The following MICU1 variants were observed in gnomAD, a reference collection of about 807,000 sequenced individuals.
MICU1 encodes the protein mitochondrial calcium uptake 1.
Under a neutral mutation model 56.8 loss-of-function variants are expected in MICU1, and 45 were observed. The observed-to-expected ratio is 0.79, with a 90% confidence interval of 0.62 to 1.02. MICU1 has a LOEUF of 1.02. Among genes scored for constraint, MICU1 ranks in the 50% least tolerant of loss-of-function variants. The pLI is 0.00. For synonymous variants in MICU1, 186 were observed against 195.1 expected, an observed-to-expected ratio of 0.95 and a Z score of 0.39; for missense variants, 504 against 587.1, an observed-to-expected ratio of 0.86 and a Z score of 1.46.
At chr10:72,417,594 C>T (rs967428067) in intron 9 of MICU1, among the ~76,000 whole-genome samples, 1 of 152,084 alleles carries the variant, frequency 6.6e-6, no homozygotes, top group Non-Finnish European at 1.5e-5. Flanking sequence ...TAAGAAGTTA[C>T]TAGTTAGTAG....
At chr10:72,375,183 C>A (rs1465852641) in intron 11 of MICU1, among the ~76,000 whole-genome samples, 1 of 152,126 alleles carries the variant, frequency 6.6e-6, no homozygotes, top group Non-Finnish European at 1.5e-5. Context: ...ATTAAATGAG[C>A]AGATTAACTT....
intron 1 of MICU1, among the ~76,000 whole-genome samples, chr10:72,600,852 G>A (rs1841512762): frequency 6.6e-6 from 1 of 152,166 alleles, no homozygotes; most frequent in South Asian, 2.1e-4. Context: ...GGCATCCACT[G>A]AGGGTCTTAG....
chr10:72,378,729 C>G (rs1353806561), intron 10 of MICU1, among the ~76,000 whole-genome samples: 1 of 152,150 alleles, frequency 6.6e-6, no homozygotes, highest in Non-Finnish European at 1.5e-5. Context: ...AGTAACGGGA[C>G]CTGGGCTCCA....
At chr10:72,421,002 CAAA>C (rs34221911) in intron 9 of MICU1, among the ~76,000 whole-genome samples, 1 of 108,660 alleles carries the variant, frequency 9.2e-6, no homozygotes, top group East Asian at 3.4e-4. Flanking sequence ...AACTCCGTCT[CAAA>C]AAAAAAAAAA....
chr10:72,579,123 C>T (rs893830060), intron 1 of MICU1, among the ~76,000 whole-genome samples: 4 of 152,150 alleles, frequency 2.6e-5, no homozygotes, highest in Admixed American at 6.5e-5. Context: ...GTTTAGTAAA[C>T]ATCTTTCCTG....
intron 8 of MICU1, among the ~76,000 whole-genome samples, chr10:72,442,223 A>C (rs180840649): frequency 4.0e-5 from 6 of 151,702 alleles, no homozygotes; most frequent in Non-Finnish European, 7.4e-5. Flanking sequence ...GCTCACTGCA[A>C]CCTCCTCCTC....
chr10:72,388,626 A>G (rs1008074236), intron 10 of MICU1, among the ~76,000 whole-genome samples: 4 of 152,220 alleles, frequency 2.6e-5, no homozygotes, highest in African/African-American at 9.6e-5. Flanking sequence ...CACTATCTCT[A>G]AAACATCATA....
intron 8 of MICU1, chr10:72,473,407 A>T (rs1866007555): frequency 6.6e-6 from 1 of 152,234 alleles, no homozygotes; most frequent in African/African-American, 2.4e-5. Context: ...ATTGTTTATC[A>T]TCTACTTTAT....
chr10:72,424,353 T>C (rs1424388456), intron 8 of MICU1, among the ~76,000 whole-genome samples: 1 of 152,182 alleles, frequency 6.6e-6, no homozygotes, highest in African/African-American at 2.4e-5. Flanking sequence ...CCTCAGGTGA[T>C]CCACTGGCCT....
chr10:72,502,446 G>A (rs565333821), intron 6 of MICU1, among the ~76,000 whole-genome samples: 51 of 152,244 alleles, frequency 3.3e-4, no homozygotes, highest in Admixed American at 2.4e-3. Flanking sequence ...GTGAGCCACC[G>A]CGCCCAGCCT....
chr10:72,602,900 G>A (rs1264701408), intron 1 of MICU1, among the ~76,000 whole-genome samples: 1 of 152,196 alleles, frequency 6.6e-6, no homozygotes, highest in East Asian at 1.9e-4. Flanking sequence ...GAGGTCAGGA[G>A]ATTGAGACCA....
At chr10:72,463,069 CTT>C (rs797013532) in intron 8 of MICU1, among the ~76,000 whole-genome samples, 11 of 145,434 alleles carry the variant, frequency 7.6e-5, no homozygotes, top group South Asian at 2.2e-4. Context: ...GTCTTCTGCA[CTT>C]TTTTTTTTTT....
At chr10:72,572,994 G>C (rs1840648301) in intron 1 of MICU1, among the ~76,000 whole-genome samples, 1 of 151,982 alleles carries the variant, frequency 6.6e-6, no homozygotes, top group Non-Finnish European at 1.5e-5. Context: ...TTATGCACAT[G>C]TATATGGTGC....
intron 1 of MICU1, among the ~76,000 whole-genome samples, chr10:72,580,580 G>A (rs1371368608): frequency 6.6e-6 from 1 of 152,168 alleles, no homozygotes; most frequent in Non-Finnish European, 1.5e-5. Flanking sequence ...GGGTTCAAGT[G>A]ATTCTCCTGC....
At chr10:72,587,238 T>C (rs1366140635) in intron 1 of MICU1, among the ~76,000 whole-genome samples, 1 of 152,066 alleles carries the variant, frequency 6.6e-6, no homozygotes, top group East Asian at 1.9e-4. Flanking sequence ...CTTGGGAGAC[T>C]GAGGTAAGAG....
intron 7 of MICU1, among the ~76,000 whole-genome samples, chr10:72,475,671 C>G (rs1376949599): frequency 6.6e-6 from 1 of 152,114 alleles, no homozygotes; most frequent in Non-Finnish European, 1.5e-5. Context: ...TCAAGTGATC[C>G]TCCCACCTTG....
chr10:72,470,664 C>A (rs1865921929), intron 8 of MICU1, among the ~76,000 whole-genome samples: 1 of 152,068 alleles, frequency 6.6e-6, no homozygotes, highest in African/African-American at 2.4e-5. Flanking sequence ...TGCCTCTTAA[C>A]AGTGATACAA....
intron 4 of MICU1, among the ~76,000 whole-genome samples, chr10:72,544,989 G>T (rs1237563512): frequency 1.3e-5 from 2 of 152,014 alleles, no homozygotes; most frequent in Non-Finnish European, 1.5e-5. Flanking sequence ...AGATCTGTTG[G>T]GTATCCTGGG....
At chr10:72,454,976 G>A (rs1283319389) in intron 8 of MICU1, among the ~76,000 whole-genome samples, 1 of 152,004 alleles carries the variant, frequency 6.6e-6, no homozygotes, top group African/African-American at 2.4e-5. Flanking sequence ...TCACAGATGA[G>A]TAAGATCAGA....
Sources: gnomAD v4.1 joint callset for allele counts (sites outside exome capture counted in the v4.1 genomes callset) on GRCh38, gnomAD v4.1.1 for gene constraint, MANE v1.5 for transcripts, NCBI Gene and HGNC (gene_info 2026-07-23, HGNC 2026-07-21) for gene names.